Variants in ZC3H10 observed in about 807,000 individuals in gnomAD.
The protein encoded by ZC3H10 is zinc finger CCCH-type containing 10, also known as zinc finger CCCH domain-containing protein 10.
A neutral mutation model predicts 24.3 loss-of-function variants in ZC3H10; 12 were observed. That is an observed-to-expected ratio of 0.49 (90% CI 0.32 to 0.80). The LOEUF (loss-of-function observed/expected upper bound fraction) is 0.80, where lower values mean the gene tolerates loss of function less well. Ranked by LOEUF, ZC3H10 falls within the 30% of genes least tolerant of loss-of-function variation. The pLI, the probability that ZC3H10 is intolerant of heterozygous loss-of-function variation, is 0.04. For synonymous variants in ZC3H10, 226 were observed against 217.0 expected (o/e 1.04, Z -0.36); for missense variants, 360 against 576.3 (o/e 0.62, Z 3.84).
At chr12:56,120,077 G>C (rs1869763815) in intron 2 of ZC3H10, 1 of 348,740 alleles carries the variant, frequency 2.9e-6, no homozygotes, top group Non-Finnish European at 4.0e-6. Flanking sequence ...TGAGGAAAAG[G>C]AAAGGGGGTT....
At position 56,122,737 on chromosome 12, in the gene ZC3H10, G is replaced by A. The variant is rs1869883789; in HGVS notation, c.*870G>A. ...TTAAAAATAGTCCCATCTGTTTCTGGTCTCTGTCTGTATGTGCTATTCCCA... is the reference window on the plus strand; with the variant it reads ...TTAAAAATAGTCCCATCTGTTTCTGATCTCTGTCTGTATGTGCTATTCCCA... On this transcript the variant is annotated 3_prime_UTR_variant, in exon 3 of 3. Coordinates refer to ENST00000257940, the MANE Select transcript of ZC3H10 (RefSeq NM_032786.3). 6.6e-6 allele frequency: 1 copy of A among 152,224 alleles called. No individual in the cohort carries two copies. Among genetic ancestry groups the A allele is most frequent in the Non-Finnish European group, 1.5e-5 (1 of 68,060 alleles). 9.4% of individuals were successfully genotyped at this position (152,224 alleles called of 1,614,324 possible).
Position 56,123,361 on chromosome 12 carries a change from T to C in ZC3H10, c.*1494T>C, listed in dbSNP as rs1235464400. On this transcript the variant is annotated 3_prime_UTR_variant, in exon 3 of 3. Transcript: ENST00000257940. ...AAAAAAAAAGCCTAAAGACTAAAAG[T>C]GGGCTAACATTGTGGATTTTAGAAA... is the stretch of plus-strand genomic sequence containing the variant. 2 of 150,478 alleles carry C rather than the reference T, an allele frequency of 1.3e-5. No homozygotes were observed. Among genetic ancestry groups the C allele is most frequent in the African/African-American group, 4.9e-5 (2 of 40,954 alleles). The allele number at this position is 150,478 out of a possible 1,614,324, so 9.3% of individuals were successfully genotyped here.
chr12:56,121,520 G>C lies in ZC3H10; in HGVS notation c.958G>C (p.Ala320Pro). ...AQTHTTLSSQ[A>P]LQPRPVSQQE... is the part of the protein sequence containing the mutation. ...GACTCACACTACTCTCAGCAGCCAG[G>C]CTCTACAGCCTCGTCCAGTGTCCCA... Residue 320 changes from alanine to proline, a missense_variant, in exon 3 of 3, where the codon GCT (alanine) becomes CCT (proline). Physicochemically the swap from Ala to Pro is conservative, Grantham distance 27 (BLOSUM62 -1). This residue lies in a region of ZC3H10 where 133 missense variants were observed against 256.7 expected (regional missense o/e 0.52). Transcript: ENST00000257940. This position sits in a 1 kb window ranked among gnomAD's most constrained non-coding sequence, Gnocchi z 6.2. The C allele has an allele frequency of 6.2e-7, 1 of 1,613,882 alleles. No individual in the cohort carries two copies. The highest frequency in any genetic ancestry group is 8.5e-7 in the Non-Finnish European group (1 of 1,179,830).
chr12:56,126,213 A>G lies in ZC3H10; in HGVS notation c.*4346A>G, dbSNP rs1006095548. 6.6e-6 allele frequency: 1 copy of G among 152,152 alleles called. No individual in the cohort carries two copies. Among genetic ancestry groups the G allele is most frequent in the African/African-American group, 2.4e-5 (1 of 41,426 alleles). 9.4% of individuals were successfully genotyped at this position (152,152 alleles called of 1,614,324 possible). On this transcript the variant is annotated 3_prime_UTR_variant, in exon 3 of 3. Transcript: ENST00000257940. ...CACCCTCTGCCTCTTGGAGGTGATT[A>G]TGGTTTACATATAAATGCAGATTGC... is the stretch of plus-strand genomic sequence containing the variant.
intron 2 of ZC3H10, 115 bp from the exon 3 acceptor site, chr12:56,120,396 C>T (rs1460516619): frequency 7.3e-7 from 1 of 1,370,404 alleles, no homozygotes; most frequent in Non-Finnish European, 9.4e-7. Context: ...GAATTCTTAT[C>T]CCTTAGATTC....
rs1257176133 is a variant in ZC3H10, at chr12:56,123,312, G to T, written c.*1445G>T. The T allele has an allele frequency of 6.6e-6, 1 of 151,712 alleles. No individual in the cohort carries two copies. The highest frequency in any genetic ancestry group is 6.6e-5 in the Admixed American group (1 of 15,216). 9.4% of individuals were successfully genotyped at this position (151,712 alleles called of 1,614,324 possible). A position where few individuals can be genotyped will look rare whatever the true frequency, so the allele number is the denominator to read the frequency against. ...GGTCACATCTGGGATTGGAGATGGT[G>T]GGCTAGGTCAAGGCCAGTCATTAAA... On this transcript the variant is annotated 3_prime_UTR_variant, in exon 3 of 3. Transcript: ENST00000257940.
In ZC3H10 at chr12:56,125,045, T is replaced by G. The variant is rs1384376508; in HGVS notation, c.*3178T>G. 2.6e-5 allele frequency: 4 copies of G among 152,134 alleles called. No homozygotes were observed. Among genetic ancestry groups the G allele is most frequent in the African/African-American group, 9.7e-5 (4 of 41,414 alleles). The allele number at this position is 152,134 out of a possible 1,614,324, so 9.4% of individuals were successfully genotyped here. On this transcript the variant is annotated 3_prime_UTR_variant, in exon 3 of 3. Transcript: ENST00000257940. ...CTATGTTCTGCCTAAGTGTAACCAC[T>G]TAGTAGTGTGTTGTTCTAAATGTAA...
In ZC3H10 at chr12:56,121,175, C is replaced by A. The variant is rs1349009641; in HGVS notation, c.613C>A (p.Pro205Thr). The A allele has an allele frequency of 6.2e-7, 1 of 1,614,144 alleles. No individual in the cohort carries two copies. Among genetic ancestry groups the A allele is most frequent in the Non-Finnish European group, 8.5e-7 (1 of 1,180,042 alleles). ...LPDRGFEDHEPGPKRRRGGCC... is the reference protein window; with the variant it reads ...LPDRGFEDHETGPKRRRGGCC... ...TGACAGGGGCTTTGAGGACCATGAG[C>A]CAGGCCCAAAACGCCGGCGAGGTGG... Residue 205 changes from proline to threonine, a missense_variant, in exon 3 of 3, where the codon CCA becomes ACA. Around this residue, in one of 3 missense-constraint regions of ZC3H10, gnomAD observed 101 missense variants for 110.8 expected, o/e 0.91. Transcript: ENST00000257940. This position sits in a 1 kb window ranked among gnomAD's most constrained non-coding sequence, Gnocchi z 6.2.
Position 56,120,636 on chromosome 12 carries a change from A to C in ZC3H10, c.74A>C (p.Glu25Ala). 6.2e-7 allele frequency: 1 copy of C among 1,604,952 alleles called. No homozygotes were observed. Among genetic ancestry groups the C allele is most frequent in the Non-Finnish European group, 8.5e-7 (1 of 1,174,558 alleles). ...GGGPGGGGSE[E>A]ASGAGVGSGG... ...GGCCCTGGAGGTGGTGGCAGCGAGGAGGCCAGTGGGGCAGGGGTAGGCAGT... is the reference window on the plus strand; with the variant it reads ...GGCCCTGGAGGTGGTGGCAGCGAGGCGGCCAGTGGGGCAGGGGTAGGCAGT... The change falls in exon 3 of 3, where the codon GAG becomes GCG. Residue 25 changes from glutamate (E) to alanine (A), a missense_variant. Glu to Ala is a moderately radical substitution (Grantham distance 107). This residue lies in a region of ZC3H10 where 126 missense variants were observed against 208.8 expected (regional missense o/e 0.60). Transcript: ENST00000257940.
At position 56,121,911 on chromosome 12, in the gene ZC3H10, G is replaced by A. The variant is rs926150756; in HGVS notation, c.*44G>A. ...CCCTGGTATAGCCTCGCAGGGCTGGGGTCAGGGGGCCCTTGCCCACTCACC... is the reference window on the plus strand; with the variant it reads ...CCCTGGTATAGCCTCGCAGGGCTGGAGTCAGGGGGCCCTTGCCCACTCACC... On this transcript the variant is annotated 3_prime_UTR_variant, in exon 3 of 3. Transcript: ENST00000257940. This position sits in a 1 kb window ranked among gnomAD's most constrained non-coding sequence, Gnocchi z 6.2. 3.9e-6 allele frequency: 6 copies of A among 1,535,486 alleles called. No homozygotes were observed. Among genetic ancestry groups the A allele is most frequent in the Non-Finnish European group, 4.4e-6 (5 of 1,138,622 alleles).
rs1870003545 is a variant in ZC3H10, at chr12:56,126,651, C to T, written c.*4784C>T. 2 of 152,132 alleles carry T rather than the reference C, an allele frequency of 1.3e-5. No homozygotes were observed. Among genetic ancestry groups the T allele is most frequent in the Non-Finnish European group, 2.9e-5 (2 of 68,036 alleles). 9.4% of individuals were successfully genotyped at this position (152,132 alleles called of 1,614,324 possible). A position where few individuals can be genotyped will look rare whatever the true frequency, so the allele number is the denominator to read the frequency against. ...GAGAGGTTTCTCTCTAAGGTTCATC[C>T]ATGTTCCTTCTGTAGTTCTGCTTTA... On this transcript the variant is annotated 3_prime_UTR_variant, in exon 3 of 3. Coordinates refer to ENST00000257940, the MANE Select transcript of ZC3H10 (RefSeq NM_032786.3).
At position 56,124,708 on chromosome 12, in the gene ZC3H10, C is replaced by T. The variant is rs1398619727; in HGVS notation, c.*2841C>T. 1 of 152,164 alleles carries T rather than the reference C, an allele frequency of 6.6e-6. No individual in the cohort carries two copies. Among genetic ancestry groups the T allele is most frequent in the Non-Finnish European group, 1.5e-5 (1 of 68,016 alleles). The allele number at this position is 152,164 out of a possible 1,614,324, so 9.4% of individuals were successfully genotyped here. On this transcript the variant is annotated 3_prime_UTR_variant, in exon 3 of 3. Coordinates refer to ENST00000257940, the MANE Select transcript of ZC3H10 (RefSeq NM_032786.3). ...AACATGTAAAAAACCCATTTATCAA[C>T]AGTAACACAGGAAGAGCTAAATAAT...
chr12:56,121,085 G>T lies in ZC3H10; in HGVS notation c.523G>T (p.Gly175Trp). Residue 175 changes from glycine to tryptophan, a missense_variant, in exon 3 of 3, where the codon GGG becomes TGG. Gly to Trp is a radical substitution (Grantham distance 184). Transcript: ENST00000257940. The surrounding 1 kb of genome is among the most constrained non-coding windows in gnomAD (Gnocchi z 6.2). ...FDARGGGGTG[G>W]GSTGSVLPGR... The stretch of plus-strand genomic sequence containing the variant: ...TGCTCGGGGTGGAGGAGGCACTGGT[G>T]GGGGCTCAACAGGCTCAGTCCTCCC... 1 of 1,614,190 alleles carries T rather than the reference G, an allele frequency of 6.2e-7. No individual in the cohort carries two copies. Among genetic ancestry groups the T allele is most frequent in the Non-Finnish European group, 8.5e-7 (1 of 1,180,036 alleles).
Position 56,121,459 on chromosome 12 carries a change from G to A in ZC3H10, c.897G>A (p.Val299=). The change falls in exon 3 of 3, where the codon GTG becomes GTA. Residue 299 remains valine, a synonymous_variant. Transcript: ENST00000257940. This position sits in a 1 kb window ranked among gnomAD's most constrained non-coding sequence, Gnocchi z 6.2. Reference sequence around the variant, plus strand: ...CTGAGCAGACTCTGGCCCCCACTGTGGGCACTGTTGCCACTTTTAACCATG... The same window carrying A: ...CTGAGCAGACTCTGGCCCCCACTGTAGGCACTGTTGCCACTTTTAACCATG... ...PATEQTLAPT[V]GTVATFNHGI... 1 of 1,610,492 alleles carries A rather than the reference G, an allele frequency of 6.2e-7. No homozygotes were observed. The highest frequency in any genetic ancestry group is 8.5e-7 in the Non-Finnish European group (1 of 1,177,010).
rs899944651 is a variant in ZC3H10, at chr12:56,121,956, C to G, written c.*89C>G. The G allele has an allele frequency of 6.1e-5, 85 of 1,400,470 alleles. No individual in the cohort carries two copies. Among genetic ancestry groups the G allele is most frequent in the Non-Finnish European group, 7.9e-5 (82 of 1,043,714 alleles). 86.8% of individuals were successfully genotyped at this position (1,400,470 alleles called of 1,614,324 possible). ...CTCACCTAGCCTTCCCCATCCCTGT[C>G]TGAAGGGCTCCCTTGAGAACTAGGA... On this transcript the variant is annotated 3_prime_UTR_variant, in exon 3 of 3. Transcript: ENST00000257940. The surrounding 1 kb of genome is among the most constrained non-coding windows in gnomAD (Gnocchi z 6.2).
rs761165225 is a variant in ZC3H10 at position 56,121,884 on chromosome 12, TCC to T, written c.*20_*21del. The T allele has an allele frequency of 6.3e-7, 1 of 1,584,628 alleles. No individual in the cohort carries two copies. The highest frequency in any genetic ancestry group is 1.2e-5 in the South Asian group (1 of 86,398). On this transcript the variant is annotated 3_prime_UTR_variant, in exon 3 of 3. Transcript: ENST00000257940. The surrounding 1 kb of genome is among the most constrained non-coding windows in gnomAD (Gnocchi z 6.2). Reference sequence around the variant, plus strand: ...CCACACTGATGGGGCTAATGGACACTCCCCTGGTATAGCCTCGCAGGGCTGGG... The same window carrying T: ...CCACACTGATGGGGCTAATGGACACTCCTGGTATAGCCTCGCAGGGCTGGG...
rs2136858331 is a variant in ZC3H10 at position 56,122,188 on chromosome 12, C to T, written c.*321C>T. On this transcript the variant is annotated 3_prime_UTR_variant, in exon 3 of 3. Coordinates refer to ENST00000257940, the MANE Select transcript of ZC3H10 (RefSeq NM_032786.3). ...TTGGGAACATCCCTCGTCTTGTCCT[C>T]TCTTCTGCACAGCACAGGTTCCAGC... 1 of 339,182 alleles carries T rather than the reference C, an allele frequency of 2.9e-6. No homozygotes were observed. The highest frequency in any genetic ancestry group is 5.7e-6 in the Non-Finnish European group (1 of 175,836). The allele number at this position is 339,182 out of a possible 1,614,324, so 21.0% of individuals were successfully genotyped here. A position where few individuals can be genotyped will look rare whatever the true frequency, so the allele number is the denominator to read the frequency against.
rs150292845 is a variant in ZC3H10, at chr12:56,120,172, C to G, written c.-52-339C>G. 45 of 1,006,192 alleles carry G rather than the reference C, an allele frequency of 4.5e-5. No homozygotes were observed. The African/African-American group carries it at 6.4e-4, about 14-fold the overall frequency. The allele number at this position is 1,006,192 out of a possible 1,614,324, so 62.3% of individuals were successfully genotyped here. On this transcript the variant is annotated intron_variant, in intron 2 of 2. Transcript: ENST00000257940. ...TTGGGCACTATTCCCAGTTTCCTTC[C>G]AGACTATTCAGATACTGACTGCAGT...
intron 1 of ZC3H10, chr12:56,118,685 C>T (rs1050649809): frequency 2.0e-5 from 3 of 152,234 alleles, no homozygotes; most frequent in Non-Finnish European, 4.4e-5. Context: ...TTCGCAAACT[C>T]TAGGGTGTTG....
Sources: gnomAD v4.1 joint callset for allele counts on GRCh38, gnomAD v4.1.1 for gene constraint, gnomAD v4.1.1 regional missense constraint, Gnocchi (gnomAD v3.1) non-coding constraint, MANE v1.5 for transcripts, NCBI Gene and HGNC (gene_info 2026-07-23, HGNC 2026-07-21) for gene names.